HAUS1: variants seen among roughly 807,000 people sequenced by gnomAD.
HAUS1 encodes HAUS augmin-like complex subunit 1.
Under a neutral mutation model 38.6 loss-of-function variants are expected in HAUS1, and 25 were observed. That is an observed-to-expected ratio of 0.65 (90% CI 0.47 to 0.91). The LOEUF (loss-of-function observed/expected upper bound fraction) is 0.91. HAUS1 is among the 40% of genes least tolerant of loss of function. The pLI, the probability that HAUS1 is intolerant of heterozygous loss-of-function variation, is 0.00. For missense variants in HAUS1, 325 were observed against 328.4 expected, an observed-to-expected ratio of 0.99 and a Z score of 0.08; for synonymous variants, 109 against 112.9, an observed-to-expected ratio of 0.97 and a Z score of 0.22.
intron 2 of HAUS1, chr18:46,106,642 A>G (rs930541274): frequency 6.6e-6 from 1 of 152,200 alleles, no homozygotes; most frequent in African/African-American, 2.4e-5. Context: ...TATTTGTTAC[A>G]TATGATATTT....
intron 2 of HAUS1, among the ~76,000 whole-genome samples, chr18:46,113,694 A>T (rs1406985462): frequency 6.6e-6 from 1 of 151,986 alleles, no homozygotes; most frequent in African/African-American, 2.4e-5. Flanking sequence ...TTTCTATTAC[A>T]GTTCCTGTCT....
intron 3 of HAUS1, among the ~76,000 whole-genome samples, chr18:46,119,317 G>A (rs2144259666): frequency 6.7e-6 from 1 of 150,198 alleles, no homozygotes; most frequent in Non-Finnish European, 1.5e-5. Flanking sequence ...CAGAAATCTA[G>A]ACTTGAATTA....
chr18:46,127,062 G>C (rs970038469), intron 8 of HAUS1, among the ~76,000 whole-genome samples: 1 of 151,748 alleles, frequency 6.6e-6, no homozygotes, highest in African/African-American at 2.4e-5. Context: ...TTGAACTCTT[G>C]ACCTCAGGTG....
intron 2 of HAUS1, among the ~76,000 whole-genome samples, chr18:46,113,292 G>T (rs1226086474): frequency 6.6e-6 from 1 of 151,798 alleles, no homozygotes; most frequent in Non-Finnish European, 1.5e-5. Context: ...GCCCAGGCTG[G>T]TCTCAAACTC....
chr18:46,113,007 G>GAATATATATTCCATATTATATATAT (rs1911704643), intron 2 of HAUS1, among the ~76,000 whole-genome samples: 10 of 54,224 alleles, frequency 1.8e-4, no homozygotes, highest in Admixed American at 1.3e-3. Context: ...CATATATATG[G>GAATATATATTCCATATTATATATAT]AATATATATA....
chr18:46,126,136 G>C (rs909984678), intron 8 of HAUS1, among the ~76,000 whole-genome samples: 1 of 152,044 alleles, frequency 6.6e-6, no homozygotes, highest in South Asian at 2.1e-4. Context: ...TAAGCTGGGC[G>C]TGGTGATGCG....
chr18:46,105,425 A>G lies in HAUS1; in HGVS notation c.205+57A>G, dbSNP rs1296943911. ...TAAATAGAGGTAACCAAATTTTATA[A>G]CACTAAAGTATACAGGATTAATTTA... On this transcript the variant is annotated intron_variant, in intron 2 of 8. Transcript: ENST00000282058. 3 of 1,430,146 alleles carry G rather than the reference A, an allele frequency of 2.1e-6. No individual in the cohort carries two copies. In the East Asian group the frequency reaches 6.9e-5, roughly 33 times the overall value. The allele number at this position is 1,430,146 out of a possible 1,614,324, so 88.6% of individuals were successfully genotyped here. A position where few individuals can be genotyped will look rare whatever the true frequency, so the allele number is the denominator to read the frequency against.
rs76086140 is a variant in HAUS1 at position 46,125,936 on chromosome 18, T to C, written c.786+145T>C. The C allele has an allele frequency of 4.9e-6, 3 of 615,116 alleles. No individual in the cohort carries two copies. In the African/African-American group the frequency reaches 5.6e-5, roughly 11 times the overall value. 38.1% of individuals were successfully genotyped at this position (615,116 alleles called of 1,614,324 possible). A position where few individuals can be genotyped will look rare whatever the true frequency, so the allele number is the denominator to read the frequency against. On this transcript the variant is annotated intron_variant, in intron 8 of 8. Transcript: ENST00000282058. Reference sequence around the variant, plus strand: ...ACTGTGTATCATTCTCCTGCATCTTTTAATACTTTTTTGGCTGTGTACGTG... The same window carrying C: ...ACTGTGTATCATTCTCCTGCATCTTCTAATACTTTTTTGGCTGTGTACGTG...
chr18:46,116,477 C>T (rs922406177), intron 2 of HAUS1, among the ~76,000 whole-genome samples: 19 of 151,860 alleles, frequency 1.3e-4, no homozygotes, highest in African/African-American at 4.6e-4. Context: ...GGGAGGATCA[C>T]TTGAGCCCAG....
chr18:46,125,236 C>A (rs1421669107), intron 7 of HAUS1, among the ~76,000 whole-genome samples: 1 of 150,572 alleles, frequency 6.6e-6, no homozygotes, highest in Non-Finnish European at 1.5e-5. Flanking sequence ...CTCCAGCCTG[C>A]TCAACAGAGC....
At chr18:46,107,479 TA>T (rs1233302793) in intron 2 of HAUS1, among the ~76,000 whole-genome samples, 1 of 152,218 alleles carries the variant, frequency 6.6e-6, no homozygotes. Flanking sequence ...TTTTTATGTC[TA>T]GGTATCTAGA....
At chr18:46,125,411 T>C (rs959883187) in intron 7 of HAUS1, among the ~76,000 whole-genome samples, 4 of 151,694 alleles carry the variant, frequency 2.6e-5, no homozygotes, top group African/African-American at 9.7e-5. Context: ...TAGCAGGGCG[T>C]GGTGGTGGGC....
intron 2 of HAUS1, among the ~76,000 whole-genome samples, chr18:46,117,535 G>A (rs575346827): frequency 6.6e-6 from 1 of 152,298 alleles, no homozygotes; most frequent in African/African-American, 2.4e-5. Flanking sequence ...ATTAGGAAGT[G>A]ATGACTAAGG....
chr18:46,116,988 C>T (rs1260815980), intron 2 of HAUS1, among the ~76,000 whole-genome samples: 1 of 152,160 alleles, frequency 6.6e-6, no homozygotes, highest in Non-Finnish European at 1.5e-5. Flanking sequence ...ACAAATACCA[C>T]AGTGCCACTT....
chr18:46,118,158 A>G (rs779399728), intron 2 of HAUS1, 23 bp from the exon 3 acceptor site: 8 of 1,610,382 alleles, frequency 5.0e-6, no homozygotes, highest in Middle Eastern at 2.2e-4. Flanking sequence ...AACAGTCACT[A>G]TGGAACTCTT....
intron 2 of HAUS1, among the ~76,000 whole-genome samples, chr18:46,110,316 C>T (rs1911586019): frequency 7.9e-6 from 1 of 127,280 alleles, no homozygotes; most frequent in Admixed American, 7.8e-5. Flanking sequence ...TCACCATGCC[C>T]AGCTTATTTT....
intron 3 of HAUS1, chr18:46,118,593 A>T (rs1911855468): frequency 7.3e-6 from 2 of 275,654 alleles, no homozygotes; most frequent in Non-Finnish European, 1.4e-5. Flanking sequence ...GTGTATAATA[A>T]GAAAGATAGT....
At chr18:46,112,354 AAT>A (rs1172649990) in intron 2 of HAUS1, among the ~76,000 whole-genome samples, 2 of 123,250 alleles carry the variant, frequency 1.6e-5, no homozygotes, top group Admixed American at 9.3e-5. Context: ...TATTATATAT[AAT>A]ATATATAATG....
chr18:46,119,766 G>A (rs1022047978), intron 3 of HAUS1, among the ~76,000 whole-genome samples, 160 bp from the exon 4 acceptor site: 1 of 152,120 alleles, frequency 6.6e-6, no homozygotes, highest in African/African-American at 2.4e-5. Flanking sequence ...ATGAAGAAGG[G>A]CATTCCAGGC....
Sources: allele counts gnomAD v4.1 joint callset (sites outside exome capture counted in the v4.1 genomes callset), GRCh38; gene constraint gnomAD v4.1.1; transcripts MANE v1.5; gene names NCBI Gene and HGNC (gene_info 2026-07-23, HGNC 2026-07-21).